MYOF: variants seen among roughly 807,000 people sequenced by gnomAD.
MYOF encodes the protein fer-1-like 3, myoferlin.
A neutral mutation model predicts 284.2 loss-of-function variants in MYOF; 244 were observed. The ratio of observed to expected loss-of-function variants is 0.86; its 90% CI spans 0.77 to 0.95. The LOEUF is 0.95. Among genes scored for constraint, MYOF ranks in the 40% least tolerant of loss-of-function variants. The pLI is 0.00. For missense variants in MYOF, 2,496 were observed against 2,560.6 expected (o/e 0.97, Z 0.54); for synonymous variants, 904 against 919.7 (o/e 0.98, Z 0.31).
chr10:93,357,109 T>C (rs987197055), intron 29 of MYOF, among the ~76,000 whole-genome samples: 2 of 152,180 alleles, frequency 1.3e-5, no homozygotes, highest in African/African-American at 4.8e-5. Flanking sequence ...GAGGTGCACC[T>C]CATTCAGATT....
At chr10:93,335,478 T>C (rs1250008761) in intron 41 of MYOF, among the ~76,000 whole-genome samples, 1 of 152,162 alleles carries the variant, frequency 6.6e-6, no homozygotes, top group Non-Finnish European at 1.5e-5. Context: ...ACAAGGACTG[T>C]CAAGTGAGAA....
At chr10:93,360,060 A>C in intron 28 of MYOF, 82 bp from the exon 29 acceptor site, 1 of 1,520,344 alleles carries the variant, frequency 6.6e-7, no homozygotes, top group Non-Finnish European at 9.1e-7. Context: ...ACATTTGTTC[A>C]CTCTCCCTGC....
chr10:93,403,717 G>A (rs1369356550), intron 9 of MYOF, among the ~76,000 whole-genome samples: 1 of 152,200 alleles, frequency 6.6e-6, no homozygotes, highest in Non-Finnish European at 1.5e-5. Context: ...AGTAAGTGGA[G>A]GTAGATGGTG....
Position 93,396,201 on chromosome 10 carries a change from A to T in MYOF, c.1358T>A (p.Val453Glu), listed in dbSNP as rs1167950600. 13 of 1,603,490 alleles carry T rather than the reference A, an allele frequency of 8.1e-6. No individual in the cohort carries two copies. In the East Asian group the frequency reaches 2.9e-4, roughly 36 times the overall value. ...YDWDRLTKND[V>E]VGTTYLHLSK... ...GAGGTGTAGATATGTTGTTCCAACTACATCATTTTTAGTAAGACGGTCCCT... is the reference window on the plus strand; with the variant it reads ...GAGGTGTAGATATGTTGTTCCAACTTCATCATTTTTAGTAAGACGGTCCCT... The change falls in exon 16 of 54, where the codon GTA becomes GAA. Residue 453 changes from valine to glutamate, a missense_variant. Val to Glu is a moderately radical substitution (Grantham distance 121). Transcript: ENST00000359263.
At chr10:93,427,778 C>T (rs1019821542) in intron 4 of MYOF, among the ~76,000 whole-genome samples, 8 of 152,056 alleles carry the variant, frequency 5.3e-5, no homozygotes, top group African/African-American at 1.7e-4. Context: ...ATACTAGTTC[C>T]TTACAAGAGA....
At position 93,325,834 on chromosome 10, in the gene MYOF, T is replaced by C; in HGVS notation, c.5263A>G (p.Ile1755Val). Residue 1755 changes from isoleucine to valine, a missense_variant, in exon 46 of 54, where the codon ATT becomes GTT. By Grantham distance (29) the Ile-to-Val change is conservative. Coordinates refer to ENST00000359263, the MANE Select transcript of MYOF (RefSeq NM_013451.4). ...RTLHSTFQPN[I>V]SQGKLQMWVD... ...GAGGGAAGGCCCTTTACCTGGGAAA[T>C]GTTGGGCTGGAAGGTGCTGTGCAAA... 1 of 1,612,246 alleles carries C rather than the reference T, an allele frequency of 6.2e-7. No homozygotes were observed. The highest frequency in any genetic ancestry group is 8.5e-7 in the Non-Finnish European group (1 of 1,179,336).
At chr10:93,456,975 TA>T in intron 1 of MYOF, 38 bp from the exon 2 acceptor site, 3 of 1,504,168 alleles carry the variant, frequency 2.0e-6, no homozygotes, top group African/African-American at 1.4e-5. Context: ...CAATCATTTA[TA>T]AAAAAATTAA....
chr10:93,443,502 CTGTG>C (rs1185716030), intron 3 of MYOF, among the ~76,000 whole-genome samples: 1 of 135,118 alleles, frequency 7.4e-6, no homozygotes, highest in Non-Finnish European at 1.6e-5. Context: ...GTGTGTGTGT[CTGTG>C]TTTCTCTCCT....
chr10:93,316,844 C>T, intron 49 of MYOF, 31 bp from the exon 50 acceptor site: 1 of 1,558,130 alleles, frequency 6.4e-7, no homozygotes, highest in Non-Finnish European at 8.9e-7. Context: ...ATCATGATGA[C>T]TCTGAAACAC....
At chr10:93,344,920 G>T (rs1844112667) in intron 37 of MYOF, among the ~76,000 whole-genome samples, 2 of 152,076 alleles carry the variant, frequency 1.3e-5, no homozygotes, top group South Asian at 4.1e-4. Context: ...AGGATTTGGG[G>T]GTTAGAGCAT....
chr10:93,422,494 G>T (rs1848395288), intron 5 of MYOF, among the ~76,000 whole-genome samples: 1 of 152,170 alleles, frequency 6.6e-6, no homozygotes, highest in African/African-American at 2.4e-5. Flanking sequence ...TCGCCAGCAG[G>T]TTTAAAAGTT....
At chr10:93,341,465 C>T (rs1371467237) in intron 38 of MYOF, among the ~76,000 whole-genome samples, 17 of 151,954 alleles carry the variant, frequency 1.1e-4, no homozygotes, top group Admixed American at 2.0e-4. Context: ...TTAGTAGAGA[C>T]GGGGTTTCAC....
chr10:93,365,498 C>A lies in MYOF; in HGVS notation c.2753+894G>T, dbSNP rs1039608634. Among the ~76,000 whole-genome samples the A allele has an allele frequency of 3.3e-5, 5 of 152,166 alleles. No individual in the cohort carries two copies. In the East Asian group the frequency reaches 5.8e-4, roughly 18 times the overall value. On this transcript the variant is annotated intron_variant, in intron 26 of 53. Coordinates refer to ENST00000359263, the MANE Select transcript of MYOF (RefSeq NM_013451.4). ...ACTTACAGTATACCTCCTACCATTTCTTGCAGACATTCTAGCATAATAGTT... is the reference window on the plus strand; with the variant it reads ...ACTTACAGTATACCTCCTACCATTTATTGCAGACATTCTAGCATAATAGTT...
chr10:93,371,047 A>G (rs1845565760), intron 24 of MYOF, among the ~76,000 whole-genome samples: 1 of 143,354 alleles, frequency 7.0e-6, no homozygotes, highest in Non-Finnish European at 1.5e-5. Context: ...GATATTAACA[A>G]ATGTGATTTC....
intron 4 of MYOF, among the ~76,000 whole-genome samples, chr10:93,429,969 C>T (rs1848762295): frequency 6.7e-6 from 1 of 149,004 alleles, no homozygotes; most frequent in Non-Finnish European, 1.5e-5. Flanking sequence ...GAGTCTTGCT[C>T]TGTTGCCCAG....
intron 7 of MYOF, among the ~76,000 whole-genome samples, chr10:93,406,288 T>TCA (rs1554855592): frequency 1.7e-5 from 1 of 58,128 alleles, no homozygotes; most frequent in African/African-American, 3.9e-5. Flanking sequence ...TAAACCTCTT[T>TCA]TATATATATA....
intron 14 of MYOF, 21 bp downstream of exon 14, chr10:93,397,367 A>T (rs1161846079): frequency 1.9e-6 from 3 of 1,604,176 alleles, no homozygotes; most frequent in Non-Finnish European, 2.6e-6. Context: ...TTACTTTTTC[A>T]GAAAGAAAAT....
intron 49 of MYOF, 23 bp from the exon 50 acceptor site, chr10:93,316,836 C>A (rs1420603749): frequency 1.3e-6 from 2 of 1,586,238 alleles, no homozygotes; most frequent in South Asian, 1.1e-5. Context: ...GAAACATGAT[C>A]ATGATGACTC....
chr10:93,379,665 T>C (rs891441552), intron 21 of MYOF, among the ~76,000 whole-genome samples, 198 bp downstream of exon 21: 9 of 151,930 alleles, frequency 5.9e-5, no homozygotes, highest in Non-Finnish European at 1.0e-4. Context: ...CAACCGGGGG[T>C]AAGAGCCTGG....
Sources: gnomAD v4.1 joint callset for allele counts (sites outside exome capture counted in the v4.1 genomes callset) on GRCh38, gnomAD v4.1.1 for gene constraint, MANE v1.5 for transcripts, NCBI Gene and HGNC (gene_info 2026-07-23, HGNC 2026-07-21) for gene names.